SRGAP1: variants seen among roughly 807,000 people sequenced by gnomAD.
SRGAP1 encodes SLIT-ROBO Rho GTPase-activating protein 1.
SRGAP1 carries 43 observed loss-of-function variants against 121.9 expected under a neutral mutation model. That is an observed-to-expected ratio of 0.35 (90% CI 0.28 to 0.46). SRGAP1 has a LOEUF of 0.46. SRGAP1 is among the 20% of genes least tolerant of loss of function. SRGAP1 has a pLI of 1.00. For synonymous variants in SRGAP1, 447 were observed against 485.4 expected (o/e 0.92, Z 1.04); for missense variants, 1,102 against 1,350.9 (o/e 0.82, Z 2.89).
chr12:64,005,906 A>G (rs1457924034), intron 3 of SRGAP1, among the ~76,000 whole-genome samples: 1 of 152,156 alleles, frequency 6.6e-6, no homozygotes, highest in Non-Finnish European at 1.5e-5. Flanking sequence ...TCTATTGATA[A>G]CCTTTATGTG....
At position 64,160,280 on chromosome 12, in the gene SRGAP1, T is replaced by C. The variant is rs760701033; in HGVS notation, c.*17608T>C. ...CATGACTGACCTAGATTTAACACAG[T>C]ATATCCTTAATCAGCTTCCTGATTG... On this transcript the variant is annotated 3_prime_UTR_variant, in exon 22 of 22. Coordinates refer to ENST00000355086, the MANE Select transcript of SRGAP1 (RefSeq NM_020762.4). The C allele has an allele frequency of 5.3e-5, 8 of 152,246 alleles. No individual in the cohort carries two copies. Among genetic ancestry groups the C allele is most frequent in the Admixed American group, 2.0e-4 (3 of 15,288 alleles). 9.4% of individuals were successfully genotyped at this position (152,246 alleles called of 1,614,324 possible). A position where few individuals can be genotyped will look rare whatever the true frequency, so the allele number is the denominator to read the frequency against.
At chr12:64,045,397 A>G (rs957473975) in intron 6 of SRGAP1, among the ~76,000 whole-genome samples, 2 of 151,298 alleles carry the variant, frequency 1.3e-5, no homozygotes, top group Non-Finnish European at 2.9e-5. Flanking sequence ...ATTGGGGTTC[A>G]TTTTCGTAGT....
chr12:63,965,494 A>G (rs2136384843), intron 1 of SRGAP1, among the ~76,000 whole-genome samples: 1 of 152,162 alleles, frequency 6.6e-6, no homozygotes, highest in South Asian at 2.1e-4. Context: ...TTTTATTTAA[A>G]ACATCATTTA....
intron 1 of SRGAP1, among the ~76,000 whole-genome samples, chr12:63,966,725 G>A (rs2032800570): frequency 6.6e-6 from 1 of 152,148 alleles, no homozygotes; most frequent in Non-Finnish European, 1.5e-5. Flanking sequence ...GTAACATGAA[G>A]GGAGAGGTTT....
intron 1 of SRGAP1, among the ~76,000 whole-genome samples, chr12:63,937,273 G>T (rs559156416): frequency 6.6e-6 from 1 of 152,174 alleles, no homozygotes; most frequent in African/African-American, 2.4e-5. Flanking sequence ...CTGGGATGTT[G>T]CTGACAATGG....
At chr12:64,112,190 T>C (rs17100096) in intron 17 of SRGAP1, among the ~76,000 whole-genome samples, 1,750 of 152,306 alleles carry the variant, frequency 0.011, 28 homozygotes, top group African/African-American at 0.04. Flanking sequence ...AGGACTCTTA[T>C]CTTTCAAATA....
intron 1 of SRGAP1, among the ~76,000 whole-genome samples, chr12:63,882,809 T>G (rs1048343061): frequency 1.3e-5 from 2 of 152,208 alleles, no homozygotes; most frequent in African/African-American, 4.8e-5. Flanking sequence ...GTCTCTTGGT[T>G]TTATGTTTAG....
chr12:64,080,412 C>CG, intron 10 of SRGAP1, 42 bp downstream of exon 10: 72 of 1,385,572 alleles, frequency 5.2e-5, no homozygotes, highest in Non-Finnish European at 6.7e-5. Context: ...CTGGATGATA[C>CG]ATCGTATCAT....
chr12:64,034,675 C>G (rs953265134), intron 4 of SRGAP1, among the ~76,000 whole-genome samples: 3 of 152,138 alleles, frequency 2.0e-5, no homozygotes, highest in Non-Finnish European at 4.4e-5. Context: ...TCCCCCCCAC[C>G]ACCTTAGGCA....
rs141299699 is a variant in SRGAP1 at position 64,085,171 on chromosome 12, CA to C, written c.1409-1826del. On this transcript the variant is annotated intron_variant, in intron 10 of 21. Transcript: ENST00000355086. ...CCCATACTAATAGCGTGACCTTGGG[CA>C]AGTCACTTTTCTATATGCTCAGTCT... 2.2e-3 allele frequency among the ~76,000 whole-genome samples: 334 copies of C among 152,194 alleles called. 4 individuals carry two copies. In the East Asian group the frequency reaches 0.023, roughly 11 times the overall value.
chr12:63,852,397 T>C (rs2136255316), intron 1 of SRGAP1, among the ~76,000 whole-genome samples: 1 of 152,380 alleles, frequency 6.6e-6, no homozygotes, highest in East Asian at 1.9e-4. Context: ...AATTCCAAAG[T>C]GGACTAATCT....
At chr12:64,109,857 C>A (rs188318157) in intron 16 of SRGAP1, among the ~76,000 whole-genome samples, 1 of 152,128 alleles carries the variant, frequency 6.6e-6, no homozygotes, top group African/African-American at 2.4e-5. Flanking sequence ...TCAGAAGCCA[C>A]GGTGATTTAT....
chr12:63,969,981 C>T (rs2032897252), intron 1 of SRGAP1, among the ~76,000 whole-genome samples: 1 of 151,990 alleles, frequency 6.6e-6, no homozygotes, highest in South Asian at 2.1e-4. Context: ...CATGTCCCTC[C>T]TGACTTTCTC....
intron 19 of SRGAP1, among the ~76,000 whole-genome samples, chr12:64,126,883 C>G (rs945268775): frequency 6.6e-6 from 1 of 152,136 alleles, no homozygotes; most frequent in African/African-American, 2.4e-5. Context: ...TCTGTACAGT[C>G]ATGTACCACA....
At chr12:64,082,293 C>T (rs1444006422) in intron 10 of SRGAP1, among the ~76,000 whole-genome samples, 6 of 151,980 alleles carry the variant, frequency 3.9e-5, no homozygotes, top group Non-Finnish European at 5.9e-5. Context: ...TCTTGTGTCT[C>T]CTAGAGAGAA....
intron 1 of SRGAP1, among the ~76,000 whole-genome samples, chr12:63,950,976 T>C (rs1353035551): frequency 6.6e-6 from 1 of 150,570 alleles, no homozygotes; most frequent in African/African-American, 2.5e-5. Context: ...AGCACCTATG[T>C]ATTATATGAC....
intron 6 of SRGAP1, among the ~76,000 whole-genome samples, chr12:64,048,820 T>C (rs1251061245): frequency 6.6e-6 from 1 of 151,958 alleles, no homozygotes. Flanking sequence ...TATCTCTATT[T>C]AGATCTTTTG....
intron 17 of SRGAP1, among the ~76,000 whole-genome samples, chr12:64,113,340 A>G (rs1025754795): frequency 6.6e-6 from 1 of 152,012 alleles, no homozygotes; most frequent in Non-Finnish European, 1.5e-5. Context: ...CATGGGAGGT[A>G]GAGGTTGCAG....
At chr12:64,097,191 C>T (rs1593123942) in intron 14 of SRGAP1, 50 bp from the exon 15 acceptor site, 1 of 1,534,138 alleles carries the variant, frequency 6.5e-7, no homozygotes, top group Non-Finnish European at 8.7e-7. Flanking sequence ...TATTTTTGTT[C>T]AGAGAAAAAG....
Sources: gnomAD v4.1 joint callset for allele counts (sites outside exome capture counted in the v4.1 genomes callset) on GRCh38, gnomAD v4.1.1 for gene constraint, MANE v1.5 for transcripts, NCBI Gene and HGNC (gene_info 2026-07-23, HGNC 2026-07-21) for gene names.